Variants in FAM117B observed in about 807,000 individuals in gnomAD.
FAM117B encodes protein FAM117B.
Under a neutral mutation model 52.8 loss-of-function variants are expected in FAM117B, and 22 were observed. The ratio of observed to expected loss-of-function variants is 0.42; its 90% CI spans 0.30 to 0.59. FAM117B has a LOEUF of 0.59. Ranked by LOEUF, FAM117B falls within the 20% of genes least tolerant of loss-of-function variation. The pLI is 0.22. For synonymous variants in FAM117B, 309 were observed against 324.1 expected (o/e 0.95, Z 0.50); for missense variants, 678 against 802.6 (o/e 0.84, Z 1.88).
At chr2:202,721,682 G>A (rs915043117) in intron 2 of FAM117B, among the ~76,000 whole-genome samples, 1 of 152,192 alleles carries the variant, frequency 6.6e-6, no homozygotes, top group Non-Finnish European at 1.5e-5. Flanking sequence ...CATCCAGGCT[G>A]GAGTGCAGTG....
chr2:202,673,225 A>G (rs992936780), intron 1 of FAM117B, among the ~76,000 whole-genome samples: 3 of 152,060 alleles, frequency 2.0e-5, no homozygotes, highest in Non-Finnish European at 4.4e-5. Context: ...AAAGACTACA[A>G]CGGGAGTCCA....
chr2:202,636,158 G>A (rs1404395442), intron 1 of FAM117B, among the ~76,000 whole-genome samples: 1 of 152,200 alleles, frequency 6.6e-6, no homozygotes, highest in Non-Finnish European at 1.5e-5. Context: ...GCTAGGAGTG[G>A]TTTGTCACTT....
intron 1 of FAM117B, among the ~76,000 whole-genome samples, chr2:202,659,600 C>T (rs966185227): frequency 3.8e-5 from 5 of 131,920 alleles, no homozygotes; most frequent in East Asian, 2.4e-4. Context: ...CGTGAGCCAC[C>T]GTGCTTTTTT....
intron 4 of FAM117B, among the ~76,000 whole-genome samples, chr2:202,746,015 C>T (rs944657998): frequency 2.6e-5 from 4 of 152,064 alleles, no homozygotes; most frequent in Non-Finnish European, 2.9e-5. Flanking sequence ...ACTTCAAGAC[C>T]TCACTTTCAG....
At chr2:202,663,628 G>A (rs773234464) in intron 1 of FAM117B, among the ~76,000 whole-genome samples, 109 of 144,620 alleles carry the variant, frequency 7.5e-4, no homozygotes, top group Non-Finnish European at 1.4e-3. Flanking sequence ...TCCTTTCCCA[G>A]GCTGGAGTGC....
intron 4 of FAM117B, among the ~76,000 whole-genome samples, chr2:202,727,188 A>T (rs913879627): frequency 1.3e-5 from 2 of 152,064 alleles, no homozygotes; most frequent in Non-Finnish European, 2.9e-5. Flanking sequence ...GCTGGATTGA[A>T]TTTTCCATGT....
At chr2:202,712,417 C>CTATTTTTTTTT (rs1471032009) in intron 2 of FAM117B, among the ~76,000 whole-genome samples, 1 of 112,446 alleles carries the variant, frequency 8.9e-6, no homozygotes, top group African/African-American at 3.9e-5. Flanking sequence ...TTTATCAGCT[C>CTATTTTTTTTT]TCTTTTTTTT....
chr2:202,657,342 C>T (rs1039730802), intron 1 of FAM117B, among the ~76,000 whole-genome samples: 4 of 152,164 alleles, frequency 2.6e-5, no homozygotes, highest in African/African-American at 7.2e-5. Flanking sequence ...CCTGCCTTGG[C>T]CTCCCAAAGT....
chr2:202,697,541 TTTTC>T (rs1370282928), intron 2 of FAM117B, among the ~76,000 whole-genome samples: 7 of 152,002 alleles, frequency 4.6e-5, no homozygotes, highest in East Asian at 1.9e-4. Flanking sequence ...AAGATTTTTT[TTTTC>T]TTTCTTTTTT....
chr2:202,665,866 G>A (rs1045996923), intron 1 of FAM117B, among the ~76,000 whole-genome samples: 62 of 152,198 alleles, frequency 4.1e-4, no homozygotes, highest in Admixed American at 1.6e-3. Flanking sequence ...CTCCCAAAGT[G>A]CTGGGATTAC....
chr2:202,647,533 T>C (rs1689889936), intron 1 of FAM117B, among the ~76,000 whole-genome samples: 1 of 152,240 alleles, frequency 6.6e-6, no homozygotes, highest in Non-Finnish European at 1.5e-5. Flanking sequence ...TTGATCTTGA[T>C]GCTTGTTAAA....
chr2:202,717,135 G>A (rs952322134), intron 2 of FAM117B, among the ~76,000 whole-genome samples: 7 of 152,168 alleles, frequency 4.6e-5, no homozygotes, highest in Admixed American at 4.6e-4. Flanking sequence ...AGGCTTGTTT[G>A]TACCTGTCCT....
chr2:202,697,589 C>T (rs1422552011), intron 2 of FAM117B, among the ~76,000 whole-genome samples: 1 of 147,462 alleles, frequency 6.8e-6, no homozygotes, highest in African/African-American at 2.5e-5. Context: ...CTCGCTGTGT[C>T]GCCCAGGCTG....
rs564095694 is a variant in FAM117B at position 202,755,541 on chromosome 2, C to G, written c.964C>G (p.Pro322Ala). ...TTCTCCATCCCATTTTCTTAAGGCT[C>G]CTGTTCCAAAGAGTGCACTTATTCC... ...NHAAINQCQA[P>A]VPKSALIPVI... Residue 322 changes from proline to alanine, a missense_variant, in exon 5 of 8, where the codon CCT becomes GCT. This residue lies in a region of FAM117B where 583 missense variants were observed against 644.8 expected (regional missense o/e 0.90). Transcript: ENST00000392238. The G allele has an allele frequency of 9.9e-6, 16 of 1,613,438 alleles. No homozygotes were observed. The highest frequency in any genetic ancestry group is 1.3e-5 in the African/African-American group (1 of 75,004).
At chr2:202,714,635 A>T (rs979287907) in intron 2 of FAM117B, among the ~76,000 whole-genome samples, 5 of 150,004 alleles carry the variant, frequency 3.3e-5, no homozygotes, top group Non-Finnish European at 5.9e-5. Context: ...CAGATAAACA[A>T]GTGAACAAAG....
rs754905688 is a variant in FAM117B, at chr2:202,765,681, C to T, written c.1687C>T (p.Arg563Ter). ...CCTGTCTACAAACACAGAGCAAGAC[C>T]GAGTCTCTCGAGGAACAAGTACAGT... ...ASLSTNTEQD[R>*]VSRGTSTVMP... Residue 563 changes from arginine to a stop codon, truncating the protein, a stop_gained, in exon 8 of 8, where the codon CGA becomes TGA. Transcript: ENST00000392238. LOFTEE classifies it high-confidence loss of function. The T allele has an allele frequency of 5.6e-6, 9 of 1,614,090 alleles. No individual in the cohort carries two copies. The highest frequency in any genetic ancestry group is 2.2e-5 in the East Asian group (1 of 44,880).
At chr2:202,673,521 C>T (rs1216504535) in intron 1 of FAM117B, among the ~76,000 whole-genome samples, 1 of 131,310 alleles carries the variant, frequency 7.6e-6, no homozygotes, top group Non-Finnish European at 1.5e-5. Context: ...AATCTCGGCT[C>T]ACTGCAACCT....
rs117080222 is a variant in FAM117B at position 202,671,944 on chromosome 2, T to G, written c.602-23937T>G. ...CTGACACTCCACAATCTAAGAGTTT[T>G]TTTTCTGTTTAGCCATGTGGATGGG... On this transcript the variant is annotated intron_variant, in intron 1 of 7. Transcript: ENST00000392238. Among the ~76,000 whole-genome samples the G allele has an allele frequency of 8.2e-4, 125 of 152,314 alleles. 1 individual carries two copies. In the East Asian group the frequency reaches 0.023, roughly 28 times the overall value.
chr2:202,673,871 G>T (rs2105766994), intron 1 of FAM117B, among the ~76,000 whole-genome samples: 1 of 152,272 alleles, frequency 6.6e-6, no homozygotes, highest in Middle Eastern at 3.4e-3. Flanking sequence ...TTTGCCTGAT[G>T]ACTTTATTGA....
Sources: allele counts gnomAD v4.1 joint callset (sites outside exome capture counted in the v4.1 genomes callset), GRCh38; gene constraint gnomAD v4.1.1; regional missense constraint gnomAD v4.1.1; transcripts MANE v1.5; gene names NCBI Gene and HGNC (gene_info 2026-07-23, HGNC 2026-07-21).